Variants in GBE1 observed in about 807,000 individuals in gnomAD.
GBE1 encodes 1,4-alpha-glucan branching enzyme 1.
Under a neutral mutation model 88.8 loss-of-function variants are expected in GBE1, and 70 were observed. That is an observed-to-expected ratio of 0.79 (90% CI 0.65 to 0.96). The LOEUF (loss-of-function observed/expected upper bound fraction) is 0.96. GBE1 is among the 40% of genes least tolerant of loss of function. The pLI is 0.00. For synonymous variants in GBE1, 284 were observed against 300.1 expected (o/e 0.95, Z 0.56); for missense variants, 872 against 871.0 (o/e 1.00, Z -0.01).
chr3:81,543,532 GA>G (rs1703168953), intron 12 of GBE1, among the ~76,000 whole-genome samples: 1 of 152,066 alleles, frequency 6.6e-6, no homozygotes, highest in South Asian at 2.1e-4. Flanking sequence ...GAGAAAACTG[GA>G]AAATGCCTGT....
chr3:81,662,067 T>C (rs1334661752), intron 3 of GBE1, among the ~76,000 whole-genome samples: 2 of 152,172 alleles, frequency 1.3e-5, no homozygotes, highest in African/African-American at 2.4e-5. Flanking sequence ...AGTTTCGCCC[T>C]TGTTGCCCAG....
At chr3:81,710,379 C>A (rs968984583) in intron 1 of GBE1, among the ~76,000 whole-genome samples, 1 of 150,992 alleles carries the variant, frequency 6.6e-6, no homozygotes, top group Non-Finnish European at 1.5e-5. Flanking sequence ...GGACTACAGG[C>A]ACCCACCACC....
chr3:81,646,918 T>A, intron 5 of GBE1, among the ~76,000 whole-genome samples: 1 of 151,188 alleles, frequency 6.6e-6, no homozygotes, highest in Non-Finnish European at 1.5e-5. Flanking sequence ...CCATATAGCA[T>A]AAGAAATAGC....
chr3:81,642,950 T>C lies in GBE1; in HGVS notation c.823A>G (p.Thr275Ala). ...TPEELQELVD[T>A]AHSMGIIVLL... ...ACTATGATACCCATGGAATGAGCTG[T>C]GTCTACCAGTTCTTGTAGCTCTTCA... Residue 275 changes from threonine (T) to alanine (A), a missense_variant, in exon 7 of 16, where the codon ACA (threonine) becomes GCA (alanine). Transcript: ENST00000429644. 2.5e-6 allele frequency: 4 copies of C among 1,612,794 alleles called. No homozygotes were observed. Among genetic ancestry groups the C allele is most frequent in the Non-Finnish European group, 3.4e-6 (4 of 1,179,204 alleles).
chr3:81,628,141 C>G (rs1191533955), intron 7 of GBE1, among the ~76,000 whole-genome samples: 3 of 152,106 alleles, frequency 2.0e-5, no homozygotes, highest in Non-Finnish European at 4.4e-5. Context: ...CTTTCAGACT[C>G]AGGCGGCCCC....
At chr3:81,581,114 G>C in intron 11 of GBE1, 51 bp downstream of exon 11, 1 of 1,014,002 alleles carries the variant, frequency 9.9e-7, no homozygotes. Context: ...GAGAGGGAAG[G>C]AGGAAGAGAG....
rs1704258124 is a variant in GBE1 at position 81,617,072 on chromosome 3, C to A, written c.993-23049G>T. Among the ~76,000 whole-genome samples the A allele has an allele frequency of 2.1e-5, 3 of 143,586 alleles. No homozygotes were observed. In the South Asian group the frequency reaches 6.5e-4, roughly 31 times the overall value. The allele number at this position is 143,586 out of a possible 152,430, so 94.2% of individuals were successfully genotyped here. ...CTAGTATATAGAAATACAACTGCAACCTTGCTCATCTCATTTATTAAATTC... is the reference window on the plus strand; with the variant it reads ...CTAGTATATAGAAATACAACTGCAAACTTGCTCATCTCATTTATTAAATTC... On this transcript the variant is annotated intron_variant, in intron 7 of 15. Transcript: ENST00000429644.
chr3:81,651,753 C>T (rs555689554), intron 3 of GBE1, among the ~76,000 whole-genome samples: 2 of 152,270 alleles, frequency 1.3e-5, no homozygotes, highest in Admixed American at 6.5e-5. Context: ...GTTTTGTAAA[C>T]GGCTCTATAA....
chr3:81,649,286 T>C (rs1437250723), intron 4 of GBE1, among the ~76,000 whole-genome samples: 1 of 152,080 alleles, frequency 6.6e-6, no homozygotes, highest in Non-Finnish European at 1.5e-5. Flanking sequence ...ACATATGTAA[T>C]TATCTAATGC....
chr3:81,558,002 C>T (rs1402952371), intron 12 of GBE1, among the ~76,000 whole-genome samples: 1 of 151,920 alleles, frequency 6.6e-6, no homozygotes, highest in Non-Finnish European at 1.5e-5. Context: ...GAGACGGCAT[C>T]AGGGAAAGTA....
Position 81,761,459 on chromosome 3 carries a change from G to T in GBE1, c.59C>A (p.Ala20Asp). ...CAGTTCGGGCACGTCAGCCAGGGCG[G>T]CATTGAGCGCCGCCTCGTAGTCCTC... ...RPEDYEAALNAALADVPELAR... is the reference protein window; with the variant it reads ...RPEDYEAALNDALADVPELAR... Residue 20 changes from alanine to aspartate, a missense_variant, in exon 1 of 16, where the codon GCC (alanine) becomes GAC (aspartate). Coordinates refer to ENST00000429644, the MANE Select transcript of GBE1 (RefSeq NM_000158.4). The T allele has an allele frequency of 6.2e-7, 1 of 1,613,496 alleles. No homozygotes were observed. Among genetic ancestry groups the T allele is most frequent in the East Asian group, 2.2e-5 (1 of 44,858 alleles).
intron 7 of GBE1, among the ~76,000 whole-genome samples, chr3:81,627,579 A>C (rs540250185): frequency 3.9e-5 from 6 of 152,144 alleles, no homozygotes; most frequent in Non-Finnish European, 7.4e-5. Flanking sequence ...AAGTAAAATA[A>C]AGAGGGAAGG....
intron 1 of GBE1, among the ~76,000 whole-genome samples, chr3:81,757,497 A>C (rs773011146): frequency 3.2e-4 from 49 of 152,316 alleles, no homozygotes; most frequent in African/African-American, 7.7e-4. Flanking sequence ...TGTTTCTGTA[A>C]ACCATACTAG....
intron 7 of GBE1, among the ~76,000 whole-genome samples, chr3:81,614,010 A>G (rs1704215714): frequency 6.6e-6 from 1 of 151,448 alleles, no homozygotes; most frequent in African/African-American, 2.4e-5. Context: ...TGCTTAGTGA[A>G]CCCCAAAATC....
At chr3:81,535,117 CTTTTT>C in intron 14 of GBE1, 73 bp downstream of exon 14, 9 of 1,025,526 alleles carry the variant, frequency 8.8e-6, no homozygotes, top group East Asian at 3.2e-5. Flanking sequence ...CAACCTTAGT[CTTTTT>C]TTTTTTTTTG....
At chr3:81,728,557 T>C (rs985829036) in intron 1 of GBE1, among the ~76,000 whole-genome samples, 24 of 152,142 alleles carry the variant, frequency 1.6e-4, no homozygotes, top group Admixed American at 6.6e-5. Context: ...CAGTCTAGTC[T>C]AGAGCTGAGA....
chr3:81,502,659 G>A (rs1576122639), intron 14 of GBE1, among the ~76,000 whole-genome samples: 1 of 152,230 alleles, frequency 6.6e-6, no homozygotes, highest in East Asian at 1.9e-4. Context: ...ATTAGAACAA[G>A]CCTTTTCAAG....
chr3:81,719,931 C>T (rs952672210), intron 1 of GBE1, among the ~76,000 whole-genome samples: 1 of 152,044 alleles, frequency 6.6e-6, no homozygotes, highest in Non-Finnish European at 1.5e-5. Flanking sequence ...TGGATGTTAG[C>T]CTTGTGAATG....
intron 12 of GBE1, among the ~76,000 whole-genome samples, chr3:81,538,594 A>G (rs1182196825): frequency 3.3e-5 from 5 of 152,018 alleles, no homozygotes; most frequent in African/African-American, 1.2e-4. Context: ...GTCTAGGTCT[A>G]AAGTCTGATT....
Sources: allele counts gnomAD v4.1 joint callset (sites outside exome capture counted in the v4.1 genomes callset), GRCh38; gene constraint gnomAD v4.1.1; transcripts MANE v1.5; gene names NCBI Gene and HGNC (gene_info 2026-07-23, HGNC 2026-07-21).